Variants in MYT1L observed in about 807,000 individuals in gnomAD.
MYT1L encodes myelin transcription factor 1-like protein.
MYT1L carries 12 observed loss-of-function variants against 126.7 expected under a neutral mutation model. The observed-to-expected ratio is 0.09, with a 90% CI of 0.06 to 0.15. MYT1L has a LOEUF of 0.15. Among genes scored for constraint, MYT1L ranks in the 10% least tolerant of loss-of-function variants. The pLI is 1.00. For synonymous variants in MYT1L, 541 were observed against 604.2 expected (o/e 0.90, Z 1.53); for missense variants, 979 against 1,585.2 (o/e 0.62, Z 6.49).
At chr2:2,136,217 G>T (rs924481325) in intron 3 of MYT1L, among the ~76,000 whole-genome samples, 1 of 152,138 alleles carries the variant, frequency 6.6e-6, no homozygotes, top group African/African-American at 2.4e-5. Flanking sequence ...AGAGAAAATG[G>T]TTCATCTCAG....
chr2:1,800,224 C>G (rs1383179048), intron 23 of MYT1L: 1 of 152,290 alleles, frequency 6.6e-6, no homozygotes. Context: ...GTCCAAGATG[C>G]TGCCTCCATG....
intron 9 of MYT1L, among the ~76,000 whole-genome samples, chr2:1,934,727 TACACACACACAC>T (rs56320658): frequency 5.8e-5 from 8 of 138,312 alleles, no homozygotes; most frequent in South Asian, 2.4e-4. Context: ...CTCTGTCATG[TACACACACACAC>T]ACACACACAC....
chr2:2,163,694 C>T (rs546196722), intron 3 of MYT1L, among the ~76,000 whole-genome samples: 5 of 150,496 alleles, frequency 3.3e-5, no homozygotes, highest in South Asian at 2.1e-4. Context: ...ACTGAGATAG[C>T]GCCACTGCAC....
intron 3 of MYT1L, among the ~76,000 whole-genome samples, chr2:2,152,894 T>G (rs2086048444): frequency 1.3e-5 from 2 of 151,854 alleles, no homozygotes; most frequent in Admixed American, 1.3e-4. Context: ...GGGGTGGAAG[T>G]TTTTGGGAAA....
chr2:1,953,535 G>A (rs754046349), intron 8 of MYT1L, among the ~76,000 whole-genome samples: 1 of 152,240 alleles, frequency 6.6e-6, no homozygotes, highest in African/African-American at 2.4e-5. Flanking sequence ...TGTGTCGCTA[G>A]ACATTTACCA....
chr2:1,967,798 A>G (rs575062968), intron 8 of MYT1L, among the ~76,000 whole-genome samples: 31 of 152,262 alleles, frequency 2.0e-4, no homozygotes, highest in Non-Finnish European at 3.8e-4. Context: ...GCAGGCCCCG[A>G]GCCCTGCCTG....
chr2:2,272,036 G>A lies in MYT1L; in HGVS notation c.-421+12368C>T, dbSNP rs778152095. ...GGCTGCCTGAACTCTGCATCCTGGCGAGGCCTCGCCCCACCCAGCAATCCC... is the reference window on the plus strand; with the variant it reads ...GGCTGCCTGAACTCTGCATCCTGGCAAGGCCTCGCCCCACCCAGCAATCCC... On this transcript the variant is annotated intron_variant, in intron 2 of 24. Transcript: ENST00000647738. 8.1e-4 allele frequency among the ~76,000 whole-genome samples: 124 copies of A among 152,166 alleles called. 2 individuals are homozygous for A. The highest frequency in any genetic ancestry group is 1.9e-4 in the Non-Finnish European group (13 of 68,042).
intron 8 of MYT1L, among the ~76,000 whole-genome samples, chr2:1,944,905 C>G (rs940164519): frequency 6.6e-6 from 1 of 152,158 alleles, no homozygotes; most frequent in Non-Finnish European, 1.5e-5. Context: ...GTCCTGTACA[C>G]AGAGGGCAGG....
At chr2:2,322,256 C>T (rs2096180328) in intron 1 of MYT1L, among the ~76,000 whole-genome samples, 1 of 151,666 alleles carries the variant, frequency 6.6e-6, no homozygotes, top group South Asian at 2.1e-4. Context: ...ACAGCAGACG[C>T]CCCACACTGT....
At position 2,228,422 on chromosome 2, in the gene MYT1L, T is replaced by A. The variant is rs1445845053; in HGVS notation, c.-420-55434A>T. On this transcript the variant is annotated intron_variant, in intron 2 of 24. Transcript: ENST00000647738. This position sits in a 1 kb window ranked among gnomAD's most constrained non-coding sequence, Gnocchi z 5.9. The stretch of plus-strand genomic sequence containing the variant: ...AATACTGTAGTGAATGAATGTCTTA[T>A]CCAAAAGCAAACATTTTTTAATACT... 6.6e-6 allele frequency among the ~76,000 whole-genome samples: 1 copy of A among 152,208 alleles called. No individual in the cohort carries two copies. Among genetic ancestry groups the A allele is most frequent in the African/African-American group, 2.4e-5 (1 of 41,460 alleles).
intron 2 of MYT1L, among the ~76,000 whole-genome samples, chr2:2,201,151 C>CA (rs1166006564): frequency 9.2e-5 from 14 of 152,150 alleles, no homozygotes; most frequent in African/African-American, 3.1e-4. Flanking sequence ...TTGAAACAGA[C>CA]AAAAAAGTGT....
At chr2:2,136,293 A>G (rs1251515951) in intron 3 of MYT1L, among the ~76,000 whole-genome samples, 1 of 152,196 alleles carries the variant, frequency 6.6e-6, no homozygotes, top group East Asian at 1.9e-4. Flanking sequence ...CAGCATACAG[A>G]TGCCTTTGTG....
intron 1 of MYT1L, chr2:2,325,669 C>T (rs888080737): frequency 6.6e-6 from 1 of 152,222 alleles, no homozygotes; most frequent in South Asian, 2.1e-4. Flanking sequence ...CTATGAAAGG[C>T]TACGTTAAAT....
At chr2:2,264,366 A>G (rs950601435) in intron 2 of MYT1L, among the ~76,000 whole-genome samples, 4 of 152,100 alleles carry the variant, frequency 2.6e-5, no homozygotes, top group South Asian at 2.1e-4. Flanking sequence ...CATCAGTAGA[A>G]ATAGCATGCT....
chr2:1,836,352 C>T (rs2040878680), intron 21 of MYT1L, among the ~76,000 whole-genome samples: 1 of 147,158 alleles, frequency 6.8e-6, no homozygotes, highest in Non-Finnish European at 1.5e-5. Context: ...CATCAATGTG[C>T]ACCCCAAGAT....
chr2:2,096,480 G>A (rs1156701866), intron 3 of MYT1L, among the ~76,000 whole-genome samples: 1 of 152,174 alleles, frequency 6.6e-6, no homozygotes, highest in Non-Finnish European at 1.5e-5. Context: ...ATTTACAAAT[G>A]TCTCCCGTAT....
chr2:1,836,097 A>T (rs1484299524), intron 21 of MYT1L, among the ~76,000 whole-genome samples: 1 of 152,090 alleles, frequency 6.6e-6, no homozygotes, highest in Non-Finnish European at 1.5e-5. Context: ...GTGGGAGGGA[A>T]GTGAGAGGCA....
At chr2:2,231,073 A>G (rs2094149662) in intron 2 of MYT1L, among the ~76,000 whole-genome samples, 1 of 152,204 alleles carries the variant, frequency 6.6e-6, no homozygotes, top group Non-Finnish European at 1.5e-5. Context: ...ATAGGAATCA[A>G]CATTATCCAA....
chr2:2,317,155 T>A (rs1019000967), intron 1 of MYT1L, among the ~76,000 whole-genome samples: 1 of 152,044 alleles, frequency 6.6e-6, no homozygotes, highest in Non-Finnish European at 1.5e-5. Context: ...AAACATTTGA[T>A]GAGATGAATT....
Sources: gnomAD v4.1 joint callset for allele counts (sites outside exome capture counted in the v4.1 genomes callset) on GRCh38, gnomAD v4.1.1 for gene constraint, Gnocchi (gnomAD v3.1) non-coding constraint, MANE v1.5 for transcripts, NCBI Gene and HGNC (gene_info 2026-07-23, HGNC 2026-07-21) for gene names.